RASGRF1: variants seen among roughly 807,000 people sequenced by gnomAD.
RASGRF1 encodes the protein ras-specific guanine nucleotide-releasing factor 1.
A neutral mutation model predicts 138.7 loss-of-function variants in RASGRF1; 40 were observed. That is an observed-to-expected ratio of 0.29 (90% CI 0.22 to 0.38). RASGRF1 has a LOEUF of 0.38. Ranked by LOEUF, RASGRF1 falls within the 10% of genes least tolerant of loss-of-function variation. The pLI, the probability that RASGRF1 is intolerant of heterozygous loss-of-function variation, is 1.00. For synonymous variants in RASGRF1, 614 were observed against 663.2 expected (o/e 0.93, Z 1.14); for missense variants, 1,108 against 1,650.4 (o/e 0.67, Z 5.69).
At chr15:79,029,778 G>C (rs2057111938) in intron 8 of RASGRF1, among the ~76,000 whole-genome samples, 1 of 152,132 alleles carries the variant, frequency 6.6e-6, no homozygotes, top group South Asian at 2.1e-4. Flanking sequence ...TGTGCCACTT[G>C]GGCTGGGTTC....
At chr15:79,048,113 G>C (rs1357655278) in intron 4 of RASGRF1, among the ~76,000 whole-genome samples, 2 of 152,226 alleles carry the variant, frequency 1.3e-5, no homozygotes, top group Non-Finnish European at 2.9e-5. Context: ...TCCAAATACA[G>C]GGGTGAGCTG....
At chr15:78,991,055 C>A (rs1019468860) in intron 21 of RASGRF1, among the ~76,000 whole-genome samples, 2 of 152,222 alleles carry the variant, frequency 1.3e-5, no homozygotes, top group African/African-American at 4.8e-5. Flanking sequence ...GGAATTCAGA[C>A]ATATTTGTTG....
At chr15:79,060,750 T>C (rs937086791) in intron 2 of RASGRF1, among the ~76,000 whole-genome samples, 34 of 152,350 alleles carry the variant, frequency 2.2e-4, no homozygotes, top group African/African-American at 6.5e-4. Context: ...TTGATGTCAA[T>C]TGGATTATTA....
rs1325236228 is a variant in RASGRF1, at chr15:79,025,481, G to A, written c.1382-7C>T. The A allele has an allele frequency of 1.9e-6, 3 of 1,610,444 alleles. No individual in the cohort carries two copies. The stretch of plus-strand genomic sequence containing the variant: ...GGCACCTGAATGAGGGAACCTGTGG[G>A]TGGAGGAGAGAGACCCTGAGCCCAT... On this transcript the variant is annotated splice_polypyrimidine_tract_variant and splice_region_variant and intron_variant, in intron 9 of 26. Transcript: ENST00000558480.
intron 6 of RASGRF1, among the ~76,000 whole-genome samples, chr15:79,034,253 C>T (rs1238591774): frequency 6.6e-6 from 1 of 152,014 alleles, no homozygotes; most frequent in East Asian, 1.9e-4. Flanking sequence ...GGAGATGACA[C>T]CAACACTCAC....
At chr15:79,056,275 T>C (rs1164388963) in intron 3 of RASGRF1, among the ~76,000 whole-genome samples, 2 of 152,108 alleles carry the variant, frequency 1.3e-5, no homozygotes, top group Non-Finnish European at 2.9e-5. Flanking sequence ...AGTAAGTGAA[T>C]GAATGAATGA....
intron 1 of RASGRF1, among the ~76,000 whole-genome samples, chr15:79,080,189 A>G (rs894267149): frequency 6.6e-6 from 1 of 152,228 alleles, no homozygotes; most frequent in African/African-American, 2.4e-5. Flanking sequence ...TCTAAGATGT[A>G]ATTACTTGCT....
chr15:78,991,662 G>T, intron 21 of RASGRF1, 29 bp downstream of exon 21: 3 of 1,568,344 alleles, frequency 1.9e-6, no homozygotes, highest in Non-Finnish European at 2.6e-6. Flanking sequence ...AGGAAGCGGG[G>T]GGAGGCGGGT....
chr15:79,088,243 A>C (rs968076240), intron 1 of RASGRF1, among the ~76,000 whole-genome samples: 3 of 152,100 alleles, frequency 2.0e-5, no homozygotes, highest in African/African-American at 7.2e-5. Context: ...TGTATCTCTG[A>C]GGTTCTGTTC....
intron 24 of RASGRF1, chr15:78,979,301 A>AGGCAGACGAGGCT (rs2055963616): frequency 1.2e-6 from 1 of 838,362 alleles, no homozygotes; most frequent in African/African-American, 1.8e-5. Context: ...CGCAAAGAGG[A>AGGCAGACGAGGCT]GGCAGACGAG....
At chr15:79,033,283 C>T (rs1177695668) in intron 6 of RASGRF1, among the ~76,000 whole-genome samples, 1 of 152,130 alleles carries the variant, frequency 6.6e-6, no homozygotes, top group Non-Finnish European at 1.5e-5. Flanking sequence ...TGCTCTGTTG[C>T]CCAGGCTGGA....
chr15:79,017,756 G>A lies in RASGRF1; in HGVS notation c.1743+14C>T. On this transcript the variant is annotated intron_variant, in intron 12 of 26. Transcript: ENST00000558480. Reference sequence around the variant, plus strand: ...AGGGACCACTCGCTTTCAGGAACAGGTGACGCTACTCACCTGGCTGATGTC... The same window carrying A: ...AGGGACCACTCGCTTTCAGGAACAGATGACGCTACTCACCTGGCTGATGTC... 1 of 1,595,024 alleles carries A rather than the reference G, an allele frequency of 6.3e-7. No homozygotes were observed. Among genetic ancestry groups the A allele is most frequent in the Non-Finnish European group, 8.5e-7 (1 of 1,172,868 alleles).
At chr15:78,974,540 A>T (rs949250119) in intron 24 of RASGRF1, among the ~76,000 whole-genome samples, 1 of 152,232 alleles carries the variant, frequency 6.6e-6, no homozygotes, top group African/African-American at 2.4e-5. Context: ...ATAGCAGCTA[A>T]GACAGTTTTA....
At chr15:79,059,054 T>C (rs1269511979) in intron 2 of RASGRF1, among the ~76,000 whole-genome samples, 1 of 152,172 alleles carries the variant, frequency 6.6e-6, no homozygotes, top group Non-Finnish European at 1.5e-5. Flanking sequence ...ATCTGCAGGC[T>C]GCTCTGCTAA....
chr15:78,999,659 A>G (rs2056474847), intron 17 of RASGRF1, 84 bp downstream of exon 17: 1 of 1,509,534 alleles, frequency 6.6e-7, no homozygotes, highest in Admixed American at 1.7e-5. Flanking sequence ...ACAGCAGAGC[A>G]AGTCCCCGGG....
chr15:79,015,538 G>T, intron 12 of RASGRF1, 129 bp from the exon 13 acceptor site: 1 of 820,124 alleles, frequency 1.2e-6, no homozygotes, highest in Non-Finnish European at 2.0e-6. Flanking sequence ...CAAGGGCATT[G>T]TCCTGGCAAA....
rs1299054690 is a variant in RASGRF1 at position 78,971,921 on chromosome 15, A to T, written c.3626T>A (p.Ile1209Asn). ...FSKMRMISHI[I>N]REIRQFQQTA... ...TTGTTGAAACTGGCGAATCTCTCGG[A>T]TAATATGGGATATCTGTGGGAAGGA... Residue 1209 changes from isoleucine (I) to asparagine (N), a missense_variant, in exon 26 of 27, where the codon ATC (isoleucine) becomes AAC (asparagine). This residue lies in a region of RASGRF1 where 686 missense variants were observed against 976.7 expected (regional missense o/e 0.70). Transcript: ENST00000558480. 1.3e-6 allele frequency: 2 copies of T among 1,581,486 alleles called. No homozygotes were observed.
intron 16 of RASGRF1, among the ~76,000 whole-genome samples, chr15:79,001,026 C>T (rs1003289058): frequency 6.6e-6 from 1 of 152,214 alleles, no homozygotes; most frequent in African/African-American, 2.4e-5. Context: ...GGGTATCTCA[C>T]AGCCCCCTTG....
chr15:79,068,571 C>CAT (rs1182022482), intron 1 of RASGRF1, among the ~76,000 whole-genome samples: 21 of 146,578 alleles, frequency 1.4e-4, no homozygotes, highest in South Asian at 6.5e-4. Flanking sequence ...ATCGATGTAT[C>CAT]ATATATATAT....
Sources: allele counts gnomAD v4.1 joint callset (sites outside exome capture counted in the v4.1 genomes callset), GRCh38; gene constraint gnomAD v4.1.1; regional missense constraint gnomAD v4.1.1; transcripts MANE v1.5; gene names NCBI Gene and HGNC (gene_info 2026-07-23, HGNC 2026-07-21).